The following NSF variants were observed in gnomAD, a reference collection of about 807,000 sequenced individuals.
The protein encoded by NSF is N-ethylmaleimide sensitive factor, vesicle fusing ATPase.
NSF carries 14 observed loss-of-function variants against 50.3 expected under a neutral mutation model. The ratio of observed to expected loss-of-function variants is 0.28; its 90% CI spans 0.18 to 0.44. The LOEUF (loss-of-function observed/expected upper bound fraction) is 0.44. Among genes scored for constraint, NSF ranks in the 20% least tolerant of loss-of-function variants. The pLI is 1.00. For missense variants in NSF, 218 were observed against 504.3 expected (o/e 0.43, Z 5.44); for synonymous variants, 109 against 175.7 (o/e 0.62, Z 3.00).
At chr17:46,601,405 C>CTT (rs746590783) in intron 1 of NSF, among the ~76,000 whole-genome samples, 10 of 41,638 alleles carry the variant, frequency 2.4e-4, no homozygotes, top group Non-Finnish European at 3.1e-4. Flanking sequence ...TATAATTACC[C>CTT]TTTTTTTTTT....
rs73987019 is a variant in NSF at position 46,745,526 on chromosome 17, C to T, written c.1909-4247C>T. On this transcript the variant is annotated intron_variant, in intron 17 of 20. Coordinates refer to ENST00000398238, the MANE Select transcript of NSF (RefSeq NM_006178.4). ...CATAGTCACTGTTAATGTAAGAGAA[C>T]ATCTCATGAGGAAACTGGCAGCGAT... 5.4e-3 allele frequency among the ~76,000 whole-genome samples: 827 copies of T among 152,296 alleles called. 7 individuals carry two copies. The highest frequency in any genetic ancestry group is 0.018 in the African/African-American group (767 of 41,568).
At chr17:46,636,162 G>C (rs1270511737) in intron 4 of NSF, among the ~76,000 whole-genome samples, 1 of 14,386 alleles carries the variant, frequency 7.0e-5, no homozygotes, top group Non-Finnish European at 1.5e-4. Flanking sequence ...TGTTGTAGTT[G>C]TACAATTAAA....
intron 17 of NSF, among the ~76,000 whole-genome samples, chr17:46,749,161 G>GA (rs1181222992): frequency 2.0e-5 from 3 of 152,168 alleles, no homozygotes; most frequent in Non-Finnish European, 2.9e-5. Flanking sequence ...CAAGAGAATT[G>GA]AAAATGGTTG....
At chr17:46,730,862 C>T (rs1483080795) in intron 17 of NSF, among the ~76,000 whole-genome samples, 1 of 152,108 alleles carries the variant, frequency 6.6e-6, no homozygotes, top group Non-Finnish European at 1.5e-5. Flanking sequence ...TAGTGAGATA[C>T]CACTCATTGC....
chr17:46,605,402 C>T (rs1479775159), intron 1 of NSF, among the ~76,000 whole-genome samples: 5 of 138,708 alleles, frequency 3.6e-5, no homozygotes, highest in Admixed American at 7.1e-5. Flanking sequence ...GAGCCGAGAT[C>T]GTGCCATTGC....
intron 8 of NSF, among the ~76,000 whole-genome samples, chr17:46,661,192 T>TAA (rs2058295764): frequency 7.1e-6 from 1 of 141,792 alleles, no homozygotes; most frequent in Non-Finnish European, 1.5e-5. Context: ...GTAGCCTCTT[T>TAA]ATTATCTTCC....
intron 4 of NSF, among the ~76,000 whole-genome samples, chr17:46,635,076 AC>A (rs1412432758): frequency 1.3e-5 from 1 of 76,396 alleles, no homozygotes; most frequent in East Asian, 2.6e-4. Context: ...TTTGTTTATA[AC>A]CTGCTTTTGT....
intron 17 of NSF, among the ~76,000 whole-genome samples, chr17:46,746,267 A>G (rs533521352): frequency 2.8e-4 from 42 of 152,264 alleles, no homozygotes; most frequent in African/African-American, 1.0e-3. Flanking sequence ...TCTATCTCAT[A>G]TTCTATGCGC....
chr17:46,744,330 ACT>A (rs1478305459), intron 17 of NSF, among the ~76,000 whole-genome samples: 3 of 152,208 alleles, frequency 2.0e-5, no homozygotes, highest in Non-Finnish European at 4.4e-5. Flanking sequence ...GAAATATTTC[ACT>A]CTCATTTACA....
intron 14 of NSF, chr17:46,713,364 A>T (rs539516126): frequency 6.5e-6 from 1 of 154,044 alleles, no homozygotes; most frequent in Non-Finnish European, 1.4e-5. Context: ...AAATGTAGGT[A>T]AGTTCGTAGA....
intron 9 of NSF, among the ~76,000 whole-genome samples, chr17:46,678,994 CAAAT>C (rs1256696719): frequency 1.3e-5 from 2 of 151,264 alleles, no homozygotes; most frequent in Admixed American, 6.6e-5. Context: ...GTGAATCTCA[CAAAT>C]AAATTATTGA....
chr17:46,726,638 G>T (rs774692808), intron 16 of NSF, 23 bp downstream of exon 16: 12 of 1,603,924 alleles, frequency 7.5e-6, no homozygotes, highest in African/African-American at 1.3e-5. Context: ...TTCTGCTGTT[G>T]TATTATCTTT....
intron 4 of NSF, among the ~76,000 whole-genome samples, chr17:46,635,722 G>A (rs1207675683): frequency 8.9e-6 from 1 of 112,862 alleles, no homozygotes; most frequent in Non-Finnish European, 2.0e-5. Flanking sequence ...TATCCTTAAG[G>A]GGCCATTGGT....
At chr17:46,684,843 AT>A (rs1335135549) in intron 9 of NSF, among the ~76,000 whole-genome samples, 1 of 119,950 alleles carries the variant, frequency 8.3e-6, no homozygotes, top group Non-Finnish European at 1.7e-5. Flanking sequence ...CTATTTTCTT[AT>A]TTTAATCCTT....
rs2059045088 is a variant in NSF, at chr17:46,739,392, A to AAAAG, written c.1909-10381_1909-10380insAAAG. Among the ~76,000 whole-genome samples the AAAAG allele has an allele frequency of 1.3e-5, 2 of 149,716 alleles. 1 individual carries two copies. The highest frequency in any genetic ancestry group is 4.9e-5 in the African/African-American group (2 of 40,824). Reference sequence around the variant, plus strand: ...TCTCAAAAAAAAAAAAAAAAAAAAAAGCCAAGCATGGTGGTGCACACCTGT... The same window carrying AAAAG: ...TCTCAAAAAAAAAAAAAAAAAAAAAAAAAGGCCAAGCATGGTGGTGCACACCTGT... On this transcript the variant is annotated intron_variant, in intron 17 of 20. Transcript: ENST00000398238.
At position 46,673,958 on chromosome 17, in the gene NSF, C is replaced by T. The variant is rs1413424356; in HGVS notation, c.746-456C>T. ...GTGTGTGTGTGTGTGTGTGTGTATACACATATATGATATATAATAATTATA... is the reference window on the plus strand; with the variant it reads ...GTGTGTGTGTGTGTGTGTGTGTATATACATATATGATATATAATAATTATA... On this transcript the variant is annotated intron_variant, in intron 8 of 20. Transcript: ENST00000398238. Among the ~76,000 whole-genome samples the T allele has an allele frequency of 9.9e-3, 149 of 15,118 alleles. 55 individuals are homozygous for T. Among genetic ancestry groups the T allele is most frequent in the African/African-American group, 0.021 (140 of 6,612 alleles). 9.9% of individuals were successfully genotyped at this position (15,118 alleles called of 152,430 possible). A position where few individuals can be genotyped will look rare whatever the true frequency, so the allele number is the denominator to read the frequency against.
intron 15 of NSF, among the ~76,000 whole-genome samples, chr17:46,714,605 C>G (rs1207005206): frequency 6.6e-6 from 1 of 152,240 alleles, no homozygotes; most frequent in East Asian, 1.9e-4. Context: ...ACCATTTGGT[C>G]CATCTCTCTT....
chr17:46,729,600 A>T (rs1412362993), intron 17 of NSF, among the ~76,000 whole-genome samples: 1 of 152,180 alleles, frequency 6.6e-6, no homozygotes, highest in Non-Finnish European at 1.5e-5. Flanking sequence ...GTCACAAGAC[A>T]TGAGTTCTCT....
At position 46,719,980 on chromosome 17, in the gene NSF, C is replaced by T. The variant is rs981581454; in HGVS notation, c.1761+5994C>T. Among the ~76,000 whole-genome samples the T allele has an allele frequency of 1.4e-4, 21 of 152,138 alleles. No individual in the cohort carries two copies. Among genetic ancestry groups the T allele is most frequent in the East Asian group, 1.9e-4 (1 of 5,192 alleles). On this transcript the variant is annotated intron_variant, in intron 15 of 20. Transcript: ENST00000398238. This position sits in a 1 kb window ranked among gnomAD's most constrained non-coding sequence, Gnocchi z 4.3. ...AATTTTCCTTTCCACTAGCTTTGCA[C>T]GAAAGAAATAATCTTCTTTGAATAT...
Sources: allele counts gnomAD v4.1 joint callset (sites outside exome capture counted in the v4.1 genomes callset), GRCh38; gene constraint gnomAD v4.1.1; non-coding constraint Gnocchi (gnomAD v3.1); transcripts MANE v1.5; gene names NCBI Gene and HGNC (gene_info 2026-07-23, HGNC 2026-07-21).